PTH2R: variants seen among roughly 807,000 people sequenced by gnomAD.
PTH2R encodes the protein parathyroid hormone 2 receptor, also known as PTH2 receptor.
A neutral mutation model predicts 60.3 loss-of-function variants in PTH2R; 59 were observed. The observed-to-expected ratio is 0.98, with a 90% CI of 0.79 to 1.22. The LOEUF (loss-of-function observed/expected upper bound fraction) is 1.22, where lower values mean the gene tolerates loss of function less well. Among genes scored for constraint, PTH2R ranks in the 50% most tolerant of loss-of-function variants. The probability of loss-of-function intolerance (pLI) is 0.00; values close to 1 mark genes in which losing one functional copy is unlikely to be tolerated. For synonymous variants in PTH2R, 256 were observed against 243.8 expected (o/e 1.05, Z -0.47); for missense variants, 749 against 682.6 (o/e 1.10, Z -1.08).
Position 208,459,923 on chromosome 2 carries a change from A to T in PTH2R, c.943A>T (p.Lys315Ter). 6.2e-7 allele frequency: 1 copy of T among 1,613,226 alleles called. No homozygotes were observed. The highest frequency in any genetic ancestry group is 8.5e-7 in the Non-Finnish European group (1 of 1,179,454). ...RCWELSAGDI[K>*]WIYQAPILAA... ...CTGGGAACTTAGTGCTGGAGACATC[A>T]AGTGGATTTATCAAGCACCGATCTT... is the stretch of plus-strand genomic sequence containing the variant. The change falls in exon 9 of 13, where the codon AAG becomes TAG. Residue 315 changes from lysine (K) to a stop codon, truncating the protein, a stop_gained. Transcript: ENST00000272847. LOFTEE classifies it high-confidence loss of function.
At chr2:208,464,652 T>C (rs1452888242) in intron 9 of PTH2R, among the ~76,000 whole-genome samples, 1 of 152,180 alleles carries the variant, frequency 6.6e-6, no homozygotes, top group Non-Finnish European at 1.5e-5. Flanking sequence ...ATGTGCAGGC[T>C]GAAATTTTAC....
intron 9 of PTH2R, among the ~76,000 whole-genome samples, chr2:208,471,637 G>A (rs183713429): frequency 1.2e-4 from 18 of 152,394 alleles, no homozygotes; most frequent in African/African-American, 3.8e-4. Context: ...CAAGGGCAAG[G>A]CCCTCATGGA....
chr2:208,457,201 T>G (rs966974051), intron 8 of PTH2R, among the ~76,000 whole-genome samples: 5 of 152,234 alleles, frequency 3.3e-5, no homozygotes, highest in African/African-American at 1.2e-4. Context: ...GCCACCTTCC[T>G]TATGGTAGAA....
chr2:208,419,971 T>G (rs1461898216), intron 1 of PTH2R, among the ~76,000 whole-genome samples: 1 of 152,180 alleles, frequency 6.6e-6, no homozygotes, highest in African/African-American at 2.4e-5. Context: ...AATGATGAGT[T>G]CCTGTCCTTT....
rs1701036154 is a variant in PTH2R, at chr2:208,388,131, A to ACCC, written c.-259+27894_-259+27895insCCC. ...AAGACCATTCTGGCTAACATGGTGAAACCCCCCCCCCCGTCTCTACTAAAA... is the reference window on the plus strand; with the variant it reads ...AAGACCATTCTGGCTAACATGGTGAACCCACCCCCCCCCCCGTCTCTACTAAAA... On this transcript the variant is annotated intron_variant, in intron 1 of 12. Coordinates refer to the PTH2R transcript ENST00000617735. Among the ~76,000 whole-genome samples, 75 of 19,246 alleles carry ACCC rather than the reference A, an allele frequency of 3.9e-3. 1 individual carries two copies. The South Asian group carries it at 0.044, about 11-fold the overall frequency. The allele number at this position is 19,246 out of a possible 152,430, so 12.6% of individuals were successfully genotyped here.
chr2:208,450,600 T>C, intron 7 of PTH2R, 149 bp from the exon 8 acceptor site: 1 of 679,690 alleles, frequency 1.5e-6, no homozygotes, highest in South Asian at 1.9e-5. Flanking sequence ...AAAAATTAAG[T>C]GGACTTTTCT....
At chr2:208,487,028 G>A in intron 10 of PTH2R, among the ~76,000 whole-genome samples, 1 of 152,142 alleles carries the variant, frequency 6.6e-6, no homozygotes, top group Non-Finnish European at 1.5e-5. Context: ...GGACAATGAG[G>A]TGTAGGAAAT....
intron 2 of PTH2R, among the ~76,000 whole-genome samples, chr2:208,434,755 G>C (rs1326927157): frequency 6.6e-6 from 1 of 152,182 alleles, no homozygotes; most frequent in African/African-American, 2.4e-5. Context: ...TAATGAAAAG[G>C]TGAATTGAAA....
At chr2:208,438,240 T>C (rs1702116091) in intron 4 of PTH2R, among the ~76,000 whole-genome samples, 1 of 152,232 alleles carries the variant, frequency 6.6e-6, no homozygotes, top group Non-Finnish European at 1.5e-5. Context: ...TATGAATGGC[T>C]ACATCTCATC....
In PTH2R at chr2:208,420,261, T is replaced by C. The variant is rs556388123; in HGVS notation, c.76-7940T>C. Among the ~76,000 whole-genome samples, 9 of 151,510 alleles carry C rather than the reference T, an allele frequency of 5.9e-5. No individual in the cohort carries two copies. The South Asian group carries it at 1.9e-3, about 32-fold the overall frequency. On this transcript the variant is annotated intron_variant, in intron 1 of 12. Transcript: ENST00000272847. ...GTAACAAACCTGCACATTGTGCACATGTACCCTAAAACTTAAAGTATAATA... is the reference window on the plus strand; with the variant it reads ...GTAACAAACCTGCACATTGTGCACACGTACCCTAAAACTTAAAGTATAATA...
chr2:208,472,390 G>A (rs111940208), intron 9 of PTH2R, among the ~76,000 whole-genome samples: 11 of 152,248 alleles, frequency 7.2e-5, no homozygotes, highest in African/African-American at 1.7e-4. Flanking sequence ...GCTCCAGTTC[G>A]CAACAAGTTC....
chr2:208,487,009 A>T (rs778096960), intron 10 of PTH2R, among the ~76,000 whole-genome samples: 9 of 152,186 alleles, frequency 5.9e-5, no homozygotes, highest in Non-Finnish European at 1.0e-4. Flanking sequence ...GAGAGATAAG[A>T]CAGGCAGAGG....
At chr2:208,466,842 C>T (rs967915317) in intron 9 of PTH2R, among the ~76,000 whole-genome samples, 8 of 152,086 alleles carry the variant, frequency 5.3e-5, no homozygotes, top group Non-Finnish European at 8.8e-5. Flanking sequence ...TCACAGGTTG[C>T]CTTTTCACTC....
intron 4 of PTH2R, among the ~76,000 whole-genome samples, chr2:208,440,464 G>A (rs1702160211): frequency 6.6e-6 from 1 of 152,098 alleles, no homozygotes; most frequent in South Asian, 2.1e-4. Context: ...GAAACAAGAG[G>A]CAAAGTCTTC....
chr2:208,478,402 TGGCA>T lies in PTH2R; in HGVS notation c.982-2667_982-2664del, dbSNP rs761243449. Among the ~76,000 whole-genome samples, 410 of 152,258 alleles carry T rather than the reference TGGCA, an allele frequency of 2.7e-3. 2 individuals are homozygous for T. The highest frequency in any genetic ancestry group is 4.9e-3 in the Non-Finnish European group (335 of 68,014). On this transcript the variant is annotated intron_variant, in intron 9 of 12. Transcript: ENST00000272847. ...ATCCTTTTCAGCTTCTAGAGGCCACTGGCATTGCATGACTCTTGGTCCCTTCCTC... is the reference window on the plus strand; with the variant it reads ...ATCCTTTTCAGCTTCTAGAGGCCACTTTGCATGACTCTTGGTCCCTTCCTC...
intron 8 of PTH2R, among the ~76,000 whole-genome samples, chr2:208,458,916 T>C (rs946579473): frequency 6.6e-6 from 1 of 152,160 alleles, no homozygotes; most frequent in Non-Finnish European, 1.5e-5. Flanking sequence ...GATGAATATT[T>C]GCATACGTGT....
intron 1 of PTH2R, among the ~76,000 whole-genome samples, chr2:208,365,583 A>G (rs573616542): frequency 2.4e-4 from 36 of 151,984 alleles, no homozygotes; most frequent in African/African-American, 8.2e-4. Context: ...TTATTTTGCT[A>G]GTATTTTTTT....
chr2:208,489,741 A>G (rs769373636), intron 11 of PTH2R, among the ~76,000 whole-genome samples: 2 of 152,156 alleles, frequency 1.3e-5, no homozygotes, highest in East Asian at 1.9e-4. Context: ...TAAAACTCAC[A>G]TACCATTGTT....
chr2:208,458,885 TG>T (rs1237898854), intron 8 of PTH2R, among the ~76,000 whole-genome samples: 1 of 152,160 alleles, frequency 6.6e-6, no homozygotes, highest in East Asian at 1.9e-4. Flanking sequence ...TGTCTTTCTT[TG>T]CTATTGTGAA....
Sources: allele counts gnomAD v4.1 joint callset (sites outside exome capture counted in the v4.1 genomes callset), GRCh38; gene constraint gnomAD v4.1.1; transcripts MANE v1.5; gene names NCBI Gene and HGNC (gene_info 2026-07-23, HGNC 2026-07-21).